Variants in RBFOX1 observed in about 807,000 individuals in gnomAD.
RBFOX1 encodes RNA binding fox-1 homolog 1, also known as RNA binding protein fox-1 homolog 1.
RBFOX1 carries 8 observed loss-of-function variants against 57.7 expected under a neutral mutation model. That is an observed-to-expected ratio of 0.14 (90% CI 0.08 to 0.25). RBFOX1 has a LOEUF of 0.25. Among genes scored for constraint, RBFOX1 ranks in the 10% least tolerant of loss-of-function variants. The pLI, the probability that RBFOX1 is intolerant of heterozygous loss-of-function variation, is 1.00. For synonymous variants in RBFOX1, 326 were observed against 222.4 expected (o/e 1.47, Z -4.15); for missense variants, 611 against 548.5 (o/e 1.11, Z -1.14).
At chr16:7,648,281 G>T (rs1020349508) in intron 11 of RBFOX1, among the ~76,000 whole-genome samples, 1 of 152,086 alleles carries the variant, frequency 6.6e-6, no homozygotes, top group African/African-American at 2.4e-5. Context: ...GTGCATTGGC[G>T]CGATTTCTGC....
chr16:5,899,723 A>G (rs1597699638), intron 4 of RBFOX1, among the ~76,000 whole-genome samples: 1 of 152,048 alleles, frequency 6.6e-6, no homozygotes, highest in African/African-American at 2.4e-5. Flanking sequence ...GAAGATTCCA[A>G]CCCGCCTGGT....
intron 4 of RBFOX1, among the ~76,000 whole-genome samples, chr16:7,398,127 A>T (rs1020557837): frequency 6.6e-6 from 1 of 152,240 alleles, no homozygotes; most frequent in Non-Finnish European, 1.5e-5. Flanking sequence ...CTAGGATTCC[A>T]CATGGAAGAA....
chr16:7,034,841 C>CTTTTCTTTTT (rs2043859259), intron 3 of RBFOX1, among the ~76,000 whole-genome samples: 3 of 39,154 alleles, frequency 7.7e-5, no homozygotes, highest in Admixed American at 2.9e-4. Context: ...TTTTTTTTTT[C>CTTTTCTTTTT]TTTTTTCTTT....
chr16:6,985,112 C>G (rs757017631), intron 3 of RBFOX1, among the ~76,000 whole-genome samples: 26 of 150,598 alleles, frequency 1.7e-4, no homozygotes, highest in Non-Finnish European at 3.1e-4. Context: ...CCTTCCTTCC[C>G]CTACCCTACC....
chr16:7,019,798 CA>C (rs1029799997), intron 3 of RBFOX1, among the ~76,000 whole-genome samples: 12 of 152,170 alleles, frequency 7.9e-5, no homozygotes, highest in Admixed American at 3.3e-4. Flanking sequence ...ACCCACGCCC[CA>C]ATTCCCATTA....
chr16:5,726,815 T>C (rs1446426620), intron 3 of RBFOX1, among the ~76,000 whole-genome samples: 8 of 152,324 alleles, frequency 5.3e-5, no homozygotes, highest in Non-Finnish European at 7.4e-5. Context: ...CCTTTACACA[T>C]TGAATCTTCT....
At chr16:7,263,433 T>G (rs377196694) in intron 4 of RBFOX1, among the ~76,000 whole-genome samples, 14 of 152,064 alleles carry the variant, frequency 9.2e-5, no homozygotes, top group Admixed American at 5.9e-4. Flanking sequence ...CTTGGAGAGT[T>G]TTAACTAGTC....
At chr16:5,974,008 C>T (rs183498046) in intron 4 of RBFOX1, among the ~76,000 whole-genome samples, 2 of 152,200 alleles carry the variant, frequency 1.3e-5, no homozygotes, top group Admixed American at 6.5e-5. Flanking sequence ...TCCTTAAAAC[C>T]TCATTTCCTC....
chr16:6,889,759 A>G (rs1473514), intron 3 of RBFOX1, among the ~76,000 whole-genome samples: 120,100 of 152,162 alleles, frequency 0.79, 48,310 homozygotes, highest in African/African-American at 0.95. Context: ...CTTCAGTGGT[A>G]AAAACCAGCA....
intron 4 of RBFOX1, among the ~76,000 whole-genome samples, chr16:7,210,133 A>G (rs1256186229): frequency 6.6e-6 from 1 of 152,196 alleles, no homozygotes; most frequent in African/African-American, 2.4e-5. Flanking sequence ...AATTGTGTGT[A>G]TTCAATAAGG....
intron 4 of RBFOX1, among the ~76,000 whole-genome samples, chr16:7,192,606 G>A (rs917925083): frequency 2.6e-5 from 4 of 152,038 alleles, no homozygotes; most frequent in African/African-American, 7.2e-5. Context: ...ACGAAAAGGG[G>A]GCCAAATGGA....
chr16:6,963,430 ATGGT>A (rs2153553794), intron 3 of RBFOX1, among the ~76,000 whole-genome samples: 1 of 152,286 alleles, frequency 6.6e-6, no homozygotes, highest in East Asian at 1.9e-4. Context: ...CTTCTACCAA[ATGGT>A]TGGTGACAAC....
intron 2 of RBFOX1, among the ~76,000 whole-genome samples, chr16:6,645,038 G>T (rs978757804): frequency 1.3e-5 from 2 of 152,148 alleles, no homozygotes; most frequent in Non-Finnish European, 2.9e-5. Context: ...GAGCAGGACG[G>T]CTCTCCCAGC....
At chr16:5,240,516 G>T (rs1280454537) in intron 1 of RBFOX1, among the ~76,000 whole-genome samples, 2 of 152,162 alleles carry the variant, frequency 1.3e-5, no homozygotes, top group African/African-American at 2.4e-5. Context: ...AGTCCCTGGC[G>T]CCAGGCTTGG....
At chr16:6,616,658 G>C (rs2098145463) in intron 2 of RBFOX1, among the ~76,000 whole-genome samples, 1 of 152,202 alleles carries the variant, frequency 6.6e-6, no homozygotes. Flanking sequence ...CTGGGCGACA[G>C]AGCAAGACTC....
chr16:7,700,433 A>G (rs1598424758), intron 14 of RBFOX1, among the ~76,000 whole-genome samples: 1 of 152,272 alleles, frequency 6.6e-6, no homozygotes, highest in East Asian at 1.9e-4. Context: ...TTGACTCTAG[A>G]AATTCTGACT....
chr16:5,670,526 GC>G (rs1201841463), intron 3 of RBFOX1, among the ~76,000 whole-genome samples: 1 of 152,162 alleles, frequency 6.6e-6, no homozygotes, highest in Non-Finnish European at 1.5e-5. Flanking sequence ...TAAGCCACAA[GC>G]CCTGATTTTC....
intron 1 of RBFOX1, among the ~76,000 whole-genome samples, chr16:6,090,817 A>G (rs1339007751): frequency 6.6e-6 from 1 of 152,128 alleles, no homozygotes; most frequent in African/African-American, 2.4e-5. Context: ...AATGTAGTCT[A>G]TGGTGGAGGG....
Position 7,260,483 on chromosome 16 carries a change from G to A in RBFOX1, c.27+208385G>A, listed in dbSNP as rs565004192. Among the ~76,000 whole-genome samples, 21 of 151,200 alleles carry A rather than the reference G, an allele frequency of 1.4e-4. 1 individual carries two copies. The highest frequency in any genetic ancestry group is 6.3e-4 in the South Asian group (3 of 4,790). On this transcript the variant is annotated intron_variant, in intron 4 of 15. Coordinates refer to ENST00000550418, the MANE Select transcript of RBFOX1 (RefSeq NM_018723.4). ...AAGGCACTGTTTGATTTTTTTTTTC[G>A]TGCATATTGATGTACTCTTTCCCCG...
Sources: gnomAD v4.1 joint callset for allele counts (sites outside exome capture counted in the v4.1 genomes callset) on GRCh38, gnomAD v4.1.1 for gene constraint, MANE v1.5 for transcripts, NCBI Gene and HGNC (gene_info 2026-07-23, HGNC 2026-07-21) for gene names.